Variants in CHST15 observed in about 807,000 individuals in gnomAD.
The protein encoded by CHST15 is carbohydrate sulfotransferase 15.
Under a neutral mutation model 53.6 loss-of-function variants are expected in CHST15, and 30 were observed. That is an observed-to-expected ratio of 0.56 (90% CI 0.42 to 0.76). The LOEUF (loss-of-function observed/expected upper bound fraction) is 0.76. Ranked by LOEUF, CHST15 falls within the 30% of genes least tolerant of loss-of-function variation. The pLI is 0.00. For missense variants in CHST15, 627 were observed against 740.5 expected, an observed-to-expected ratio of 0.85 and a Z score of 1.78; for synonymous variants, 296 against 289.8, an observed-to-expected ratio of 1.02 and a Z score of -0.22.
chr10:124,082,672 C>CT (rs1190534992), intron 1 of CHST15, among the ~76,000 whole-genome samples: 1 of 152,226 alleles, frequency 6.6e-6, no homozygotes, highest in African/African-American at 2.4e-5. Flanking sequence ...ACCCAAATGT[C>CT]TATCAATGGA....
chr10:124,080,825 TTG>T, intron 1 of CHST15, among the ~76,000 whole-genome samples: 1 of 149,188 alleles, frequency 6.7e-6, no homozygotes, highest in African/African-American at 2.6e-5. Flanking sequence ...CACTATACTC[TTG>T]CCTGTTTTCC....
At chr10:124,021,233 G>A in intron 6 of CHST15, 23 bp downstream of exon 6, 2 of 1,547,444 alleles carry the variant, frequency 1.3e-6, no homozygotes, top group South Asian at 1.2e-5. Context: ...AGCTCGGGGG[G>A]TACGGGGGGG....
intron 6 of CHST15, among the ~76,000 whole-genome samples, chr10:124,014,666 C>T (rs1432934689): frequency 5.9e-5 from 9 of 152,146 alleles, no homozygotes; most frequent in African/African-American, 1.9e-4. Flanking sequence ...GGCCGTCCCT[C>T]GTAGGGGAGA....
intron 6 of CHST15, among the ~76,000 whole-genome samples, chr10:124,018,534 C>T (rs553503795): frequency 2.6e-5 from 4 of 152,258 alleles, no homozygotes; most frequent in Non-Finnish European, 5.9e-5. Context: ...GCCTCTGTGC[C>T]CCCGGATCTT....
At chr10:124,013,130 G>A (rs954820532) in intron 6 of CHST15, among the ~76,000 whole-genome samples, 11 of 152,268 alleles carry the variant, frequency 7.2e-5, no homozygotes, top group African/African-American at 1.2e-4. Flanking sequence ...GAGAGAACTC[G>A]GGCCTTTCCC....
At chr10:124,010,725 G>T in intron 7 of CHST15, 3 of 985,468 alleles carry the variant, frequency 3.0e-6, no homozygotes, top group Non-Finnish European at 3.6e-6. Flanking sequence ...ACGGGTTTCG[G>T]TTTTCCTGCT....
intron 5 of CHST15, among the ~76,000 whole-genome samples, chr10:124,029,165 A>T (rs1166403101): frequency 4.6e-5 from 7 of 152,004 alleles, no homozygotes; most frequent in Non-Finnish European, 1.0e-4. Flanking sequence ...ATGATTATAT[A>T]TTTTTTTCCT....
Position 124,037,556 on chromosome 10 carries a change from G to C in CHST15, c.1190+959C>G, listed in dbSNP as rs558299525. On this transcript the variant is annotated intron_variant, in intron 5 of 7. Transcript: ENST00000435907. ...CAGGTGCCCCCTTAGCTCTGATGTG[G>C]AAGTATTGGAGGGAGCACTGGACCA... Among the ~76,000 whole-genome samples the C allele has an allele frequency of 5.9e-5, 9 of 152,314 alleles. No homozygotes were observed. The East Asian group carries it at 1.5e-3, about 26-fold the overall frequency.
intron 2 of CHST15, among the ~76,000 whole-genome samples, chr10:124,045,277 C>T (rs112759628): frequency 6.6e-6 from 1 of 151,924 alleles, no homozygotes; most frequent in African/African-American, 2.4e-5. Flanking sequence ...TTTAAATTGC[C>T]GTTAGAGATT....
chr10:124,059,956 C>A (rs755986014), intron 1 of CHST15, among the ~76,000 whole-genome samples: 9 of 152,158 alleles, frequency 5.9e-5, no homozygotes, highest in Admixed American at 6.5e-5. Context: ...TGGAGTTTCT[C>A]CAGGGGGTCA....
intron 6 of CHST15, chr10:124,020,455 T>C (rs765332767): frequency 5.3e-5 from 52 of 985,398 alleles, no homozygotes; most frequent in Non-Finnish European, 6.1e-5. Context: ...TGCCCCTGCA[T>C]GCTGCCTCCC....
intron 1 of CHST15, among the ~76,000 whole-genome samples, chr10:124,055,668 G>A (rs541258374): frequency 5.3e-5 from 8 of 152,294 alleles, no homozygotes; most frequent in Non-Finnish European, 1.0e-4. Context: ...TAGCTCTGGC[G>A]AGCCTGGCGC....
Position 124,046,186 on chromosome 10 carries a change from T to C in CHST15, c.27A>G (p.Ile9Met), listed in dbSNP as rs1366205901. 1.2e-6 allele frequency: 2 copies of C among 1,610,626 alleles called. No individual in the cohort carries two copies. Among genetic ancestry groups the C allele is most frequent in the Non-Finnish European group, 1.7e-6 (2 of 1,178,172 alleles). The change falls in exon 2 of 8, where the codon ATA becomes ATG. Residue 9 changes from isoleucine to methionine, a missense_variant. Around this residue, in one of 3 missense-constraint regions of CHST15, gnomAD observed 187 missense variants for 251.8 expected, o/e 0.74. Coordinates refer to ENST00000435907, the MANE Select transcript of CHST15 (RefSeq NM_001270764.2). ...TGTGTGCGCCGTCGGGTAACAGCTG[T>C]ATGCAGCAATTAATGCAGTGCCTCA... Reference protein sequence around the residue: MRHCINCCIQLLPDGAHKQ... With the variant: MRHCINCCMQLLPDGAHKQ...
chr10:124,015,109 A>G (rs1447085312), intron 6 of CHST15, among the ~76,000 whole-genome samples: 1 of 152,080 alleles, frequency 6.6e-6, no homozygotes, highest in Non-Finnish European at 1.5e-5. Flanking sequence ...CCCCTTGCCA[A>G]GCAGGGGGAG....
chr10:124,044,999 C>T, intron 2 of CHST15, 80 bp from the exon 3 acceptor site: 1 of 920,580 alleles, frequency 1.1e-6, no homozygotes, highest in Non-Finnish European at 1.5e-6. Context: ...GGGAACCTGC[C>T]CTGAGACTGA....
At position 124,044,168 on chromosome 10, in the gene CHST15, G is replaced by C. The variant is rs191550507; in HGVS notation, c.886+412C>G. 2.6e-3 allele frequency among the ~76,000 whole-genome samples: 387 copies of C among 151,118 alleles called. 1 individual carries two copies. Among genetic ancestry groups the C allele is most frequent in the African/African-American group, 9.1e-3 (374 of 41,052 alleles). Reference sequence around the variant, plus strand: ...CAGAGCAGGAAACGGCACAGAGCTTGGGAGCGGCACAGAGCTTGGGAGCGG... The same window carrying C: ...CAGAGCAGGAAACGGCACAGAGCTTCGGAGCGGCACAGAGCTTGGGAGCGG... On this transcript the variant is annotated intron_variant, in intron 3 of 7. Transcript: ENST00000435907.
chr10:124,037,426 G>A (rs1008189824), intron 5 of CHST15, among the ~76,000 whole-genome samples: 4 of 152,174 alleles, frequency 2.6e-5, no homozygotes, highest in African/African-American at 9.7e-5. Flanking sequence ...ATGAGTGGAT[G>A]TTTCCCCAAA....
chr10:124,061,211 C>T lies in CHST15; in HGVS notation c.-512-14487G>A, dbSNP rs555201321. Among the ~76,000 whole-genome samples the T allele has an allele frequency of 6.4e-3, 972 of 152,216 alleles. 8 individuals are homozygous for T. The highest frequency in any genetic ancestry group is 0.023 in the African/African-American group (938 of 41,510). On this transcript the variant is annotated intron_variant, in intron 1 of 7. Coordinates refer to ENST00000435907, the MANE Select transcript of CHST15 (RefSeq NM_001270764.2). ...TCCCTGATATGGTTTGACTGTGTGC[C>T]CACCCAAATCTCAACTTGAATTGTA...
chr10:124,013,980 T>G (rs1345978598), intron 6 of CHST15, among the ~76,000 whole-genome samples: 3 of 152,258 alleles, frequency 2.0e-5, no homozygotes, highest in Non-Finnish European at 4.4e-5. Context: ...GCCACCAGCA[T>G]GGGCTTTCCA....
Sources: gnomAD v4.1 joint callset for allele counts (sites outside exome capture counted in the v4.1 genomes callset) on GRCh38, gnomAD v4.1.1 for gene constraint, gnomAD v4.1.1 regional missense constraint, MANE v1.5 for transcripts, NCBI Gene and HGNC (gene_info 2026-07-23, HGNC 2026-07-21) for gene names.